The following AXIN1 variants were observed in gnomAD, a reference collection of about 807,000 sequenced individuals.
The protein encoded by AXIN1 is axin-1.
A neutral mutation model predicts 76.4 loss-of-function variants in AXIN1; 30 were observed. The ratio of observed to expected loss-of-function variants is 0.39; its 90% CI spans 0.29 to 0.53. The LOEUF is 0.53. AXIN1 is among the 20% of genes least tolerant of loss of function. AXIN1 has a pLI of 0.66. For missense variants in AXIN1, 1,140 were observed against 1,198.8 expected, an observed-to-expected ratio of 0.95 and a Z score of 0.72; for synonymous variants, 545 against 501.4, an observed-to-expected ratio of 1.09 and a Z score of -1.16.
At position 312,076 on chromosome 16, in the gene AXIN1, A is replaced by T. The variant is rs116309108; in HGVS notation, c.1020-2007T>A. Among the ~76,000 whole-genome samples, 279 of 152,318 alleles carry T rather than the reference A, an allele frequency of 1.8e-3. 1 individual carries two copies. Among genetic ancestry groups the T allele is most frequent in the African/African-American group, 6.2e-3 (256 of 41,574 alleles). On this transcript the variant is annotated intron_variant, in intron 3 of 10. Coordinates refer to ENST00000262320, the MANE Select transcript of AXIN1 (RefSeq NM_003502.4). ...CTCGGGGTTTGTTGAAGTGTCCTGAAGCCACCAACCTACTGGTTTCTTAGA... is the reference window on the plus strand; with the variant it reads ...CTCGGGGTTTGTTGAAGTGTCCTGATGCCACCAACCTACTGGTTTCTTAGA...
chr16:321,640 T>TAGA (rs34101841), intron 2 of AXIN1, among the ~76,000 whole-genome samples: 29 of 141,334 alleles, frequency 2.1e-4, no homozygotes, highest in East Asian at 1.0e-3. Context: ...GAATATGAGG[T>TAGA]AGGTGGATTC....
intron 2 of AXIN1, among the ~76,000 whole-genome samples, chr16:325,150 G>T (rs1055879502): frequency 6.6e-6 from 1 of 150,898 alleles, no homozygotes; most frequent in Non-Finnish European, 1.5e-5. Context: ...CAGCCCCGCG[G>T]GCGGCCCCGC....
chr16:293,627 C>A lies in AXIN1; in HGVS notation c.2047G>T (p.Val683Leu), dbSNP rs1178966552. 1 of 1,613,422 alleles carries A rather than the reference C, an allele frequency of 6.2e-7. No individual in the cohort carries two copies. ...PWAGPQLRTS[V>L]QPSHLFIQDP... is the part of the protein sequence containing the mutation. ...TGGATGAAGAGGTGGGAGGGCTGCA[C>A]GGAGGTCCGGAGCTGAGGGCCGGCC... Residue 683 changes from valine to leucine, a missense_variant, in exon 8 of 11, where the codon GTG becomes TTG. Physicochemically the swap from Val to Leu is conservative, Grantham distance 32 (BLOSUM62 1). Coordinates refer to ENST00000262320, the MANE Select transcript of AXIN1 (RefSeq NM_003502.4). The surrounding 1 kb of genome is among the most constrained non-coding windows in gnomAD (Gnocchi z 4.6).
chr16:346,032 A>T, intron 2 of AXIN1, 116 bp downstream of exon 2: 2 of 995,888 alleles, frequency 2.0e-6, no homozygotes, highest in Non-Finnish European at 1.5e-6. Context: ...ATTCAACCCC[A>T]GCGGCAGCAG....
chr16:326,439 A>G (rs1274707090), intron 2 of AXIN1, among the ~76,000 whole-genome samples: 2 of 149,164 alleles, frequency 1.3e-5, no homozygotes, highest in African/African-American at 4.9e-5. Context: ...CAAAGGTCAC[A>G]AAGTTTATAC....
intron 2 of AXIN1, among the ~76,000 whole-genome samples, chr16:335,257 T>C (rs1004829491): frequency 6.6e-6 from 1 of 152,222 alleles, no homozygotes; most frequent in African/African-American, 2.4e-5. Context: ...TGACACTGCA[T>C]GAGGGGCCCT....
At chr16:350,517 G>A (rs1447534092) in intron 1 of AXIN1, among the ~76,000 whole-genome samples, 7 of 152,178 alleles carry the variant, frequency 4.6e-5, no homozygotes, top group African/African-American at 1.7e-4. Flanking sequence ...CAAACTCAAT[G>A]CTACCTACGT....
chr16:319,225 C>A (rs951276148), intron 2 of AXIN1, among the ~76,000 whole-genome samples: 1 of 152,094 alleles, frequency 6.6e-6, no homozygotes, highest in African/African-American at 2.4e-5. Flanking sequence ...AGAATCCCAG[C>A]GACTTGGGAG....
At chr16:339,196 C>CAA (rs1002630324) in intron 2 of AXIN1, among the ~76,000 whole-genome samples, 365 of 34,150 alleles carry the variant, frequency 0.011, 7 homozygotes, top group Non-Finnish European at 0.014. Flanking sequence ...AGCCTGGTCT[C>CAA]AAAAAAAAAA....
At chr16:335,447 A>T (rs1001369729) in intron 2 of AXIN1, among the ~76,000 whole-genome samples, 1 of 152,024 alleles carries the variant, frequency 6.6e-6, no homozygotes, top group African/African-American at 2.4e-5. Flanking sequence ...CACTAATTAC[A>T]CAGCACCCAG....
chr16:307,712 G>T (rs1483611751), intron 4 of AXIN1, among the ~76,000 whole-genome samples: 2 of 152,194 alleles, frequency 1.3e-5, no homozygotes, highest in Non-Finnish European at 1.5e-5. Flanking sequence ...CTCCCCTCCT[G>T]CTGTCCCTGC....
chr16:325,999 T>G (rs912584121), intron 2 of AXIN1, among the ~76,000 whole-genome samples: 2 of 151,904 alleles, frequency 1.3e-5, no homozygotes, highest in African/African-American at 4.8e-5. Flanking sequence ...AGGTCTCGCT[T>G]CTGTTTTAGC....
rs534285217 is a variant in AXIN1 at position 293,936 on chromosome 16, G to C, written c.1956-218C>G. On this transcript the variant is annotated intron_variant, in intron 7 of 10. Coordinates refer to ENST00000262320, the MANE Select transcript of AXIN1 (RefSeq NM_003502.4). The surrounding 1 kb of genome is among the most constrained non-coding windows in gnomAD (Gnocchi z 4.6). ...CTCACACCTGTAATCCCAGCATTTCGGGAGGCCGAGGCGGGCAGATCACCA... is the reference window on the plus strand; with the variant it reads ...CTCACACCTGTAATCCCAGCATTTCCGGAGGCCGAGGCGGGCAGATCACCA... 6.6e-6 allele frequency among the ~76,000 whole-genome samples: 1 copy of C among 152,238 alleles called. No individual in the cohort carries two copies. Among genetic ancestry groups the C allele is most frequent in the African/African-American group, 2.4e-5 (1 of 41,550 alleles).
intron 5 of AXIN1, among the ~76,000 whole-genome samples, chr16:299,919 T>C (rs955253375): frequency 4.6e-5 from 7 of 152,164 alleles, no homozygotes; most frequent in Admixed American, 3.9e-4. Context: ...CCTCCCAAAG[T>C]GCTGGGATTA....
intron 1 of AXIN1, among the ~76,000 whole-genome samples, chr16:347,436 G>A (rs927902944): frequency 2.0e-5 from 3 of 152,172 alleles, no homozygotes; most frequent in African/African-American, 4.8e-5. Context: ...CAGAGCTGAG[G>A]GACAGGGAAG....
At chr16:339,496 G>T (rs1336111479) in intron 2 of AXIN1, among the ~76,000 whole-genome samples, 1 of 142,792 alleles carries the variant, frequency 7.0e-6, no homozygotes, top group African/African-American at 2.7e-5. Context: ...TGGCGATAGA[G>T]CGAGACTCCA....
At chr16:309,663 C>A (rs75135619) in intron 4 of AXIN1, among the ~76,000 whole-genome samples, 1 of 152,216 alleles carries the variant, frequency 6.6e-6, no homozygotes, top group Non-Finnish European at 1.5e-5. Context: ...AGAGCTCCCC[C>A]TCTTGAGGGG....
At chr16:336,099 G>A (rs2053797997) in intron 2 of AXIN1, among the ~76,000 whole-genome samples, 1 of 152,218 alleles carries the variant, frequency 6.6e-6, no homozygotes, top group Admixed American at 6.5e-5. Flanking sequence ...GCTGGGTGTG[G>A]TGATGCACGC....
intron 8 of AXIN1, chr16:291,704 G>A (rs2052565934): frequency 6.1e-6 from 2 of 327,708 alleles, no homozygotes; most frequent in Non-Finnish European, 1.2e-5. Flanking sequence ...GTGGCAACTC[G>A]GTCTGCACCT....
Sources: gnomAD v4.1 joint callset for allele counts (sites outside exome capture counted in the v4.1 genomes callset) on GRCh38, gnomAD v4.1.1 for gene constraint, Gnocchi (gnomAD v3.1) non-coding constraint, MANE v1.5 for transcripts, NCBI Gene and HGNC (gene_info 2026-07-23, HGNC 2026-07-21) for gene names.